PDE4B: variants seen among roughly 807,000 people sequenced by gnomAD.
PDE4B encodes phosphodiesterase 4B, also known as 3',5'-cyclic-AMP phosphodiesterase 4B.
In PDE4B, 20 loss-of-function variants were observed where a neutral mutation model predicts 82.2. That is an observed-to-expected ratio of 0.24 (90% CI 0.17 to 0.35). PDE4B has a LOEUF of 0.35. Among genes scored for constraint, PDE4B ranks in the 10% least tolerant of loss-of-function variants. The pLI, the probability that PDE4B is intolerant of heterozygous loss-of-function variation, is 1.00. For missense variants in PDE4B, 655 were observed against 907.2 expected (o/e 0.72, Z 3.57); for synonymous variants, 320 against 318.9 (o/e 1.00, Z -0.04).
intron 3 of PDE4B, among the ~76,000 whole-genome samples, chr1:66,045,333 T>C (rs530384466): frequency 6.6e-6 from 1 of 151,854 alleles, no homozygotes; most frequent in East Asian, 1.9e-4. Context: ...TGTCTGTTTC[T>C]TCTGTTTTGA....
chr1:66,036,837 A>G (rs952161033), intron 3 of PDE4B, among the ~76,000 whole-genome samples: 1 of 152,126 alleles, frequency 6.6e-6, no homozygotes, highest in African/African-American at 2.4e-5. Flanking sequence ...TACAAATTTT[A>G]TAATTGTTTT....
At chr1:66,331,731 A>T in intron 7 of PDE4B, 1 of 985,338 alleles carries the variant, frequency 1.0e-6, no homozygotes, top group Non-Finnish European at 1.2e-6. Flanking sequence ...GCACTTGCAG[A>T]AGGGAAGTTT....
At chr1:66,165,866 C>A (rs1198163320) in intron 3 of PDE4B, among the ~76,000 whole-genome samples, 1 of 150,330 alleles carries the variant, frequency 6.7e-6, no homozygotes, top group Non-Finnish European at 1.5e-5. Context: ...CAGTTGCTTT[C>A]TTTTTTTTGG....
At chr1:66,086,175 C>A (rs986740665) in intron 3 of PDE4B, among the ~76,000 whole-genome samples, 2 of 152,056 alleles carry the variant, frequency 1.3e-5, no homozygotes, top group African/African-American at 4.8e-5. Context: ...TGAAAAACAC[C>A]CCATCCCATG....
intron 3 of PDE4B, among the ~76,000 whole-genome samples, chr1:66,057,039 T>G (rs892741799): frequency 3.3e-5 from 5 of 152,220 alleles, no homozygotes; most frequent in African/African-American, 9.6e-5. Flanking sequence ...TTTCGTTGTT[T>G]TGAATGTATG....
intron 3 of PDE4B, among the ~76,000 whole-genome samples, chr1:66,129,922 G>A (rs2101106917): frequency 6.6e-6 from 1 of 152,236 alleles, no homozygotes; most frequent in African/African-American, 2.4e-5. Context: ...GCATGGGCCA[G>A]CTAATGTGAA....
chr1:66,189,922 G>A (rs1220767027), intron 3 of PDE4B, among the ~76,000 whole-genome samples: 1 of 152,136 alleles, frequency 6.6e-6, no homozygotes, highest in Non-Finnish European at 1.5e-5. Flanking sequence ...GCTTTTTAGA[G>A]TTTCCAGTTT....
At chr1:66,283,661 G>A (rs1656453937) in intron 7 of PDE4B, among the ~76,000 whole-genome samples, 1 of 151,850 alleles carries the variant, frequency 6.6e-6, no homozygotes, top group South Asian at 2.1e-4. Flanking sequence ...TGTGGCCCTT[G>A]TATAGAAAGT....
intron 7 of PDE4B, among the ~76,000 whole-genome samples, chr1:66,277,039 T>C (rs1655927347): frequency 6.6e-6 from 1 of 152,232 alleles, no homozygotes; most frequent in Non-Finnish European, 1.5e-5. Context: ...AGTGTTATTA[T>C]TGTTATCATT....
chr1:66,099,382 G>A (rs1645177566), intron 3 of PDE4B, among the ~76,000 whole-genome samples: 1 of 152,000 alleles, frequency 6.6e-6, no homozygotes, highest in African/African-American at 2.4e-5. Context: ...TGGGTATTTG[G>A]GTTGATTCCA....
intron 3 of PDE4B, among the ~76,000 whole-genome samples, chr1:66,195,539 T>A (rs575329503): frequency 1.3e-5 from 2 of 152,288 alleles, no homozygotes; most frequent in South Asian, 4.1e-4. Context: ...TTACAAATAC[T>A]TAGTTTAAGA....
At chr1:65,975,073 T>C (rs1569862598) in intron 3 of PDE4B, among the ~76,000 whole-genome samples, 1 of 152,336 alleles carries the variant, frequency 6.6e-6, no homozygotes, top group South Asian at 2.1e-4. Context: ...GGGAAAGTGT[T>C]GAACTTCCTA....
chr1:66,081,202 G>A (rs373353773), intron 3 of PDE4B, among the ~76,000 whole-genome samples: 1 of 151,914 alleles, frequency 6.6e-6, no homozygotes, highest in South Asian at 2.1e-4. Flanking sequence ...TTGCTGTTTA[G>A]TCATAAGAGA....
chr1:66,026,687 G>T (rs1278511614), intron 3 of PDE4B, among the ~76,000 whole-genome samples: 2 of 151,808 alleles, frequency 1.3e-5, no homozygotes, highest in Non-Finnish European at 2.9e-5. Context: ...CAATGTGCCT[G>T]GTATATAGTG....
chr1:66,368,152 A>G, intron 15 of PDE4B, 87 bp downstream of exon 15: 1 of 1,423,870 alleles, frequency 7.0e-7, no homozygotes, highest in Non-Finnish European at 9.7e-7. Context: ...AGATAAATTC[A>G]GTTATTGGTA....
chr1:66,299,518 A>G (rs952382920), intron 7 of PDE4B, among the ~76,000 whole-genome samples: 3 of 152,172 alleles, frequency 2.0e-5, no homozygotes, highest in African/African-American at 7.2e-5. Context: ...TAGTGCTGCA[A>G]TAAACGTGGG....
At chr1:65,852,529 C>T (rs960010066) in intron 1 of PDE4B, among the ~76,000 whole-genome samples, 2 of 151,790 alleles carry the variant, frequency 1.3e-5, no homozygotes, top group African/African-American at 2.4e-5. Flanking sequence ...AATATGAAAG[C>T]TTACATTATT....
intron 1 of PDE4B, among the ~76,000 whole-genome samples, chr1:65,887,186 T>C (rs866559746): frequency 1.7e-5 from 1 of 60,076 alleles, no homozygotes; most frequent in Admixed American, 1.9e-4. Context: ...CTCCCTCCCT[T>C]TTTCTTTCTT....
At chr1:66,252,575 G>T (rs569865852) in intron 4 of PDE4B, among the ~76,000 whole-genome samples, 1 of 152,326 alleles carries the variant, frequency 6.6e-6, no homozygotes, top group African/African-American at 2.4e-5. Context: ...TGTACTGAAA[G>T]TGAAAAACAG....
Sources: gnomAD v4.1 joint callset for allele counts (sites outside exome capture counted in the v4.1 genomes callset) on GRCh38, gnomAD v4.1.1 for gene constraint, MANE v1.5 for transcripts, NCBI Gene and HGNC (gene_info 2026-07-23, HGNC 2026-07-21) for gene names.